The following ZFAT variants were observed in gnomAD, a reference collection of about 807,000 sequenced individuals.
ZFAT encodes the protein zinc finger protein ZFAT.
A neutral mutation model predicts 117.7 loss-of-function variants in ZFAT; 64 were observed. That is an observed-to-expected ratio of 0.54 (90% CI 0.44 to 0.67). ZFAT has a LOEUF of 0.67. Ranked by LOEUF, ZFAT falls within the 30% of genes least tolerant of loss-of-function variation. ZFAT has a pLI of 0.00. For synonymous variants in ZFAT, 679 were observed against 615.0 expected, an observed-to-expected ratio of 1.10 and a Z score of -1.54; for missense variants, 1,433 against 1,584.5, an observed-to-expected ratio of 0.90 and a Z score of 1.62.
At chr8:134,595,103 C>T (rs1826828076) in intron 7 of ZFAT, among the ~76,000 whole-genome samples, 1 of 152,172 alleles carries the variant, frequency 6.6e-6, no homozygotes, top group African/African-American at 2.4e-5. Context: ...ATTTAGGCCA[C>T]TAAATATGTA....
intron 11 of ZFAT, among the ~76,000 whole-genome samples, chr8:134,562,237 C>T (rs796410197): frequency 5.7e-4 from 86 of 152,146 alleles, no homozygotes; most frequent in African/African-American, 2.0e-3. Context: ...AATTTTTTTT[C>T]CCAGAACCTC....
intron 11 of ZFAT, among the ~76,000 whole-genome samples, chr8:134,537,447 C>T (rs947999780): frequency 6.6e-6 from 1 of 152,218 alleles, no homozygotes; most frequent in African/African-American, 2.4e-5. Context: ...GTATCAACCT[C>T]TAGACCGAGG....
the ZFAT span, among the ~76,000 whole-genome samples, chr8:134,818,052 A>T: frequency 3.9e-5 from 6 of 152,238 alleles, no homozygotes; most frequent in African/African-American, 1.4e-4. Flanking sequence ...GAGAAAGCAC[A>T]GGAGAAAACC....
chr8:134,628,156 G>C (rs1323605199), intron 3 of ZFAT, among the ~76,000 whole-genome samples: 1 of 152,160 alleles, frequency 6.6e-6, no homozygotes, highest in African/African-American at 2.4e-5. Flanking sequence ...CATAGAGAAG[G>C]GACAGATGAC....
the ZFAT span, among the ~76,000 whole-genome samples, chr8:134,776,447 C>T: frequency 6.6e-6 from 1 of 152,168 alleles, no homozygotes; most frequent in Non-Finnish European, 1.5e-5. Context: ...GGACCACAGG[C>T]ACGCACCACC....
intron 7 of ZFAT, chr8:134,600,003 T>C (rs1827281980): frequency 2.7e-6 from 1 of 369,114 alleles, no homozygotes; most frequent in Admixed American, 3.8e-5. Flanking sequence ...GTCATCAACA[T>C]CTACTATGCT....
rs373916196 is a variant in ZFAT at position 134,658,508 on chromosome 8, G to C, written c.20-771C>G. 5.9e-5 allele frequency among the ~76,000 whole-genome samples: 9 copies of C among 152,040 alleles called. No homozygotes were observed. In the East Asian group the frequency reaches 1.5e-3, roughly 26 times the overall value. ...CCAGCACCTTTCAATGAAACGGCAG[G>C]AATTTGTTGCCTTTTTAAAGCCACT... On this transcript the variant is annotated intron_variant, in intron 1 of 15. Coordinates refer to ENST00000377838, the MANE Select transcript of ZFAT (RefSeq NM_020863.4).
the ZFAT span, among the ~76,000 whole-genome samples, chr8:134,787,169 A>G: frequency 6.6e-6 from 1 of 152,104 alleles, no homozygotes; most frequent in Non-Finnish European, 1.5e-5. Flanking sequence ...CTTATTGATT[A>G]ATTTTGCCAG....
intron 1 of ZFAT, among the ~76,000 whole-genome samples, chr8:134,685,705 T>C (rs1387160515): frequency 3.3e-5 from 5 of 152,110 alleles, no homozygotes. Context: ...GGAGTTACTG[T>C]CAAGCAGAAA....
At chr8:134,624,159 C>T (rs996484630) in intron 3 of ZFAT, among the ~76,000 whole-genome samples, 11 of 148,720 alleles carry the variant, frequency 7.4e-5, no homozygotes, top group African/African-American at 1.2e-4. Flanking sequence ...CAGCCCCTAA[C>T]GTGCAGGCAC....
At chr8:134,772,469 A>T in the ZFAT span, among the ~76,000 whole-genome samples, 1 of 152,232 alleles carries the variant, frequency 6.6e-6, no homozygotes, top group Non-Finnish European at 1.5e-5. Context: ...TCTAATCCAG[A>T]GCAAGGCCCT....
chr8:134,605,738 T>C (rs763443345), intron 5 of ZFAT, among the ~76,000 whole-genome samples: 2 of 152,216 alleles, frequency 1.3e-5, no homozygotes, highest in Non-Finnish European at 2.9e-5. Context: ...CATAGGGAAC[T>C]AGTTTGTTTG....
At chr8:134,531,141 T>C (rs1284189848) in intron 12 of ZFAT, among the ~76,000 whole-genome samples, 2 of 152,218 alleles carry the variant, frequency 1.3e-5, no homozygotes, top group South Asian at 2.1e-4. Context: ...GGAAGTTAAC[T>C]GGAAACTTAG....
rs770340063 is a variant in ZFAT, at chr8:134,602,017, C to T, written c.1702G>A (p.Glu568Lys). 3.6e-5 allele frequency: 58 copies of T among 1,612,512 alleles called. No individual in the cohort carries two copies. Among genetic ancestry groups the T allele is most frequent in the African/African-American group, 5.3e-5 (4 of 74,946 alleles). ...PAVHLASPQAESTALPPCELE... is the reference protein window; with the variant it reads ...PAVHLASPQAKSTALPPCELE... ...TCACAGGGTGGCAGGGCTGTGCTTTCGGCCTGCGGGGAGGCCAGGTGCACA... is the reference window on the plus strand; with the variant it reads ...TCACAGGGTGGCAGGGCTGTGCTTTTGGCCTGCGGGGAGGCCAGGTGCACA... The change falls in exon 6 of 16, where the codon GAA (glutamate) becomes AAA (lysine). Residue 568 changes from glutamate (E) to lysine (K), a missense_variant. By Grantham distance (56) the Glu-to-Lys change is moderately conservative (BLOSUM62 1). Coordinates refer to ENST00000377838, the MANE Select transcript of ZFAT (RefSeq NM_020863.4).
intron 7 of ZFAT, among the ~76,000 whole-genome samples, chr8:134,596,970 T>C (rs1200072535): frequency 6.7e-6 from 1 of 149,232 alleles, no homozygotes; most frequent in Non-Finnish European, 1.5e-5. Context: ...GTGATGATAA[T>C]TGCACAACTC....
intron 2 of ZFAT, among the ~76,000 whole-genome samples, chr8:134,641,779 AG>A (rs1830598025): frequency 6.6e-6 from 1 of 152,230 alleles, no homozygotes; most frequent in Non-Finnish European, 1.5e-5. Context: ...AGTTTCCAAA[AG>A]GAAGAAAGGG....
At chr8:134,601,393 C>G in intron 6 of ZFAT, 84 bp downstream of exon 6, 1 of 1,510,694 alleles carries the variant, frequency 6.6e-7, no homozygotes, top group Non-Finnish European at 8.9e-7. Flanking sequence ...TCTTTGCAAA[C>G]AGACATGAGC....
At chr8:134,561,449 A>G (rs1824044715) in intron 11 of ZFAT, among the ~76,000 whole-genome samples, 1 of 152,250 alleles carries the variant, frequency 6.6e-6, no homozygotes, top group African/African-American at 2.4e-5. Flanking sequence ...AAAAATCTGC[A>G]TTTATAATAT....
Position 134,712,968 on chromosome 8 carries a change from T to C in ZFAT, c.-105A>G. On this transcript the variant is annotated 5_prime_UTR_variant, in exon 1 of 16. Coordinates refer to ENST00000377838, the MANE Select transcript of ZFAT (RefSeq NM_020863.4). The stretch of plus-strand genomic sequence containing the variant: ...CCCTGCTGACGCTTCGCTTTTTATT[T>C]TTATTTTTTTAAGAAAAGAGCCGGC... 7.6e-7 allele frequency: 1 copy of C among 1,310,376 alleles called. No individual in the cohort carries two copies. Among genetic ancestry groups the C allele is most frequent in the Non-Finnish European group, 1.0e-6 (1 of 1,000,468 alleles). 81.2% of individuals were successfully genotyped at this position (1,310,376 alleles called of 1,614,324 possible). A position where few individuals can be genotyped will look rare whatever the true frequency, so the allele number is the denominator to read the frequency against.
Sources: allele counts gnomAD v4.1 joint callset (sites outside exome capture counted in the v4.1 genomes callset), GRCh38; gene constraint gnomAD v4.1.1; transcripts MANE v1.5; gene names NCBI Gene and HGNC (gene_info 2026-07-23, HGNC 2026-07-21).